Variants in ATF7 observed in about 807,000 individuals in gnomAD.
ATF7 encodes activating transcription factor 7.
A neutral mutation model predicts 50.4 loss-of-function variants in ATF7; 10 were observed. The observed-to-expected ratio is 0.20, with a 90% CI of 0.12 to 0.34. The LOEUF is 0.34. Among genes scored for constraint, ATF7 ranks in the 10% least tolerant of loss-of-function variants. The probability of loss-of-function intolerance (pLI) is 1.00; values close to 1 mark genes in which losing one functional copy is unlikely to be tolerated. For missense variants in ATF7, 465 were observed against 613.9 expected, an observed-to-expected ratio of 0.76 and a Z score of 2.56; for synonymous variants, 201 against 226.4, an observed-to-expected ratio of 0.89 and a Z score of 1.01.
At chr12:53,543,196 C>T in intron 4 of ATF7, 134 bp downstream of exon 4, 1 of 1,544,136 alleles carries the variant, frequency 6.5e-7, no homozygotes, top group African/African-American at 1.4e-5. Flanking sequence ...TGACTACTAT[C>T]TGGTTTTACT....
At chr12:53,590,130 C>G (rs180856934) in intron 2 of ATF7, among the ~76,000 whole-genome samples, 291 of 152,222 alleles carry the variant, frequency 1.9e-3, no homozygotes, top group Admixed American at 3.7e-3. Flanking sequence ...TCCTCATAAA[C>G]TTCAATATCT....
chr12:53,605,421 G>C (rs1349311534), intron 1 of ATF7, among the ~76,000 whole-genome samples: 1 of 150,986 alleles, frequency 6.6e-6, no homozygotes, highest in African/African-American at 2.4e-5. Context: ...ATTTAAGAAG[G>C]AAGAAGTTTG....
Position 53,606,725 on chromosome 12 carries a change from C to T in ATF7, c.-21-5704G>A, listed in dbSNP as rs1176824189. 1.7e-3 allele frequency among the ~76,000 whole-genome samples: 210 copies of T among 124,812 alleles called. 1 individual carries two copies. The highest frequency in any genetic ancestry group is 6.3e-3 in the African/African-American group (207 of 32,862). The allele number at this position is 124,812 out of a possible 152,430, so 81.9% of individuals were successfully genotyped here. On this transcript the variant is annotated intron_variant, in intron 1 of 11. Transcript: ENST00000420353. ...CTATCCCTCCCCCCTCCCCCCACCC[C>T]ACAACAGTCCCCAGTGTGTGATGTT... is the stretch of plus-strand genomic sequence containing the variant.
At position 53,516,208 on chromosome 12, in the gene ATF7, T is replaced by C. The variant is rs1937691259; in HGVS notation, c.*929A>G. ...TAATCCCTAACTTGATGGAACAAGC[T>C]TTGAAATACTTTGTTCCTGTCTGCC... On this transcript the variant is annotated 3_prime_UTR_variant, in exon 12 of 12. Coordinates refer to ENST00000420353, the MANE Select transcript of ATF7 (RefSeq NM_006856.3). 6.6e-6 allele frequency: 1 copy of C among 152,162 alleles called. No homozygotes were observed. The highest frequency in any genetic ancestry group is 1.5e-5 in the Non-Finnish European group (1 of 68,028). 9.4% of individuals were successfully genotyped at this position (152,162 alleles called of 1,614,324 possible). A position where few individuals can be genotyped will look rare whatever the true frequency, so the allele number is the denominator to read the frequency against.
At position 53,540,775 on chromosome 12, in the gene ATF7, G is replaced by C. The variant is rs190032569; in HGVS notation, c.264+2555C>G. 1.6e-4 allele frequency among the ~76,000 whole-genome samples: 25 copies of C among 151,968 alleles called. No homozygotes were observed. The East Asian group carries it at 4.4e-3, about 27-fold the overall frequency. ...AATAAAATAAAATAAATAAAGACAG[G>C]GTGTTGTTCCACTGCCCAGGCTGGA... On this transcript the variant is annotated intron_variant, in intron 4 of 11. Coordinates refer to ENST00000420353, the MANE Select transcript of ATF7 (RefSeq NM_006856.3).
chr12:53,615,562 A>G (rs1329186899), intron 1 of ATF7, among the ~76,000 whole-genome samples: 1 of 152,084 alleles, frequency 6.6e-6, no homozygotes, highest in Non-Finnish European at 1.5e-5. Context: ...CACATTCAAC[A>G]AATCATCCTG....
chr12:53,536,183 T>C (rs1444787310), intron 5 of ATF7, among the ~76,000 whole-genome samples: 1 of 152,140 alleles, frequency 6.6e-6, no homozygotes. Flanking sequence ...TGCCTCTTCT[T>C]GAATTTTATA....
intron 1 of ATF7, among the ~76,000 whole-genome samples, chr12:53,623,083 T>G (rs1347405292): frequency 6.6e-6 from 1 of 152,192 alleles, no homozygotes; most frequent in Non-Finnish European, 1.5e-5. Context: ...GGAACTAGAT[T>G]TATTTATTGT....
chr12:53,529,734 C>CACACACACACACACACACACACACATAT (rs1298379846), intron 9 of ATF7, among the ~76,000 whole-genome samples: 3 of 143,524 alleles, frequency 2.1e-5, no homozygotes, highest in Admixed American at 6.9e-5. Flanking sequence ...CACACACACA[C>CACACACACACACACACACACACACATAT]ATATATATAT....
At chr12:53,576,723 A>G (rs1942085897) in intron 2 of ATF7, among the ~76,000 whole-genome samples, 1 of 152,078 alleles carries the variant, frequency 6.6e-6, no homozygotes, top group Admixed American at 6.6e-5. Context: ...CAAACAAACA[A>G]ACAAGAAACG....
chr12:53,522,030 T>C (rs1035749971), intron 11 of ATF7, among the ~76,000 whole-genome samples: 6 of 152,236 alleles, frequency 3.9e-5, no homozygotes, highest in African/African-American at 1.4e-4. Context: ...AAACTAGCAT[T>C]TATTAGCTTT....
chr12:53,601,425 G>T (rs1475876857), intron 1 of ATF7, among the ~76,000 whole-genome samples: 1 of 152,082 alleles, frequency 6.6e-6, no homozygotes, highest in Non-Finnish European at 1.5e-5. Flanking sequence ...AATTAATTAA[G>T]GGATTATAGG....
At chr12:53,575,595 C>T (rs1268986362) in intron 2 of ATF7, 1 of 143,854 alleles carries the variant, frequency 7.0e-6, no homozygotes, top group Non-Finnish European at 1.5e-5. Flanking sequence ...AAAAAATCTA[C>T]TCATACACAA....
intron 2 of ATF7, among the ~76,000 whole-genome samples, chr12:53,568,086 G>C (rs1941546089): frequency 6.6e-6 from 1 of 152,196 alleles, no homozygotes; most frequent in Non-Finnish European, 1.5e-5. Context: ...GGTTTGGCTT[G>C]AGCTGCTGAA....
At chr12:53,576,289 C>A (rs1942062577) in intron 2 of ATF7, among the ~76,000 whole-genome samples, 1 of 152,054 alleles carries the variant, frequency 6.6e-6, no homozygotes, top group Non-Finnish European at 1.5e-5. Flanking sequence ...AGTCTAGGAC[C>A]CCTCCACCAA....
At chr12:53,610,113 G>A (rs148705267) in intron 1 of ATF7, among the ~76,000 whole-genome samples, 7 of 151,862 alleles carry the variant, frequency 4.6e-5, no homozygotes, top group African/African-American at 7.2e-5. Flanking sequence ...CACCGTGCCC[G>A]GATTTTAGCC....
intron 2 of ATF7, among the ~76,000 whole-genome samples, chr12:53,578,572 G>A (rs998131253): frequency 6.6e-5 from 10 of 151,482 alleles, no homozygotes; most frequent in Non-Finnish European, 1.0e-4. Flanking sequence ...GCTTTAGCCC[G>A]GGAGTTTGAG....
intron 2 of ATF7, among the ~76,000 whole-genome samples, chr12:53,555,240 G>A (rs1385426876): frequency 1.3e-5 from 2 of 151,568 alleles, no homozygotes; most frequent in South Asian, 2.1e-4. Context: ...CAGGAGAATC[G>A]CTTGAACCAG....
In ATF7 at chr12:53,524,842, T is replaced by A; in HGVS notation, c.928-81A>T. ...TCACACCTGATGTTAGGTAGAGTAG[T>A]AAGATCTGGTAAAAGGATATACCAG... is the stretch of plus-strand genomic sequence containing the variant. On this transcript the variant is annotated intron_variant, in intron 9 of 11. Transcript: ENST00000420353. The surrounding 1 kb of genome is among the most constrained non-coding windows in gnomAD (Gnocchi z 4.6). 8.0e-7 allele frequency: 1 copy of A among 1,256,500 alleles called. No individual in the cohort carries two copies. The highest frequency in any genetic ancestry group is 1.1e-6 in the Non-Finnish European group (1 of 930,742). The allele number at this position is 1,256,500 out of a possible 1,614,324, so 77.8% of individuals were successfully genotyped here.
Sources: gnomAD v4.1 joint callset for allele counts (sites outside exome capture counted in the v4.1 genomes callset) on GRCh38, gnomAD v4.1.1 for gene constraint, Gnocchi (gnomAD v3.1) non-coding constraint, MANE v1.5 for transcripts, NCBI Gene and HGNC (gene_info 2026-07-23, HGNC 2026-07-21) for gene names.